The following ASAH2 variants were observed in gnomAD, a reference collection of about 807,000 sequenced individuals.
ASAH2 encodes N-acylsphingosine amidohydrolase 2.
Under a neutral mutation model 82.9 loss-of-function variants are expected in ASAH2, and 58 were observed. That is an observed-to-expected ratio of 0.70 (90% CI 0.57 to 0.87). The LOEUF is 0.87. ASAH2 is among the 40% of genes least tolerant of loss of function. The pLI is 0.00. For missense variants in ASAH2, 779 were observed against 834.0 expected, an observed-to-expected ratio of 0.93 and a Z score of 0.81; for synonymous variants, 276 against 289.7, an observed-to-expected ratio of 0.95 and a Z score of 0.48.
intron 7 of ASAH2, among the ~76,000 whole-genome samples, chr10:50,221,697 TG>T (rs1845752990): frequency 9.9e-6 from 1 of 100,764 alleles, no homozygotes; most frequent in East Asian, 3.5e-4. Context: ...GATAGATGGA[TG>T]GATAGATAGA....
intron 3 of ASAH2, among the ~76,000 whole-genome samples, chr10:50,244,587 C>T (rs1009305024): frequency 2.0e-4 from 30 of 152,200 alleles, no homozygotes; most frequent in African/African-American, 7.2e-4. Context: ...ATTTCCATCA[C>T]ATAGCCAAGA....
intron 7 of ASAH2, among the ~76,000 whole-genome samples, chr10:50,226,673 C>A (rs1845893384): frequency 1.3e-5 from 2 of 151,910 alleles, no homozygotes; most frequent in Admixed American, 1.3e-4. Flanking sequence ...GTACTTCCTG[C>A]TCAATTTTGC....
intron 16 of ASAH2, among the ~76,000 whole-genome samples, chr10:50,201,915 A>G (rs1454911865): frequency 6.6e-6 from 1 of 152,128 alleles, no homozygotes; most frequent in East Asian, 1.9e-4. Context: ...CAATCACTGT[A>G]TGTGATATGA....
In ASAH2 at chr10:50,199,123, C is replaced by A; in HGVS notation, c.1785G>T (p.Ser595=). The part of the protein sequence containing the change: ...EYQAQRYEAA[S]TIYGPHTLSA... ...ATAATGTGTGCGGTCCATAAATTGTCGATGCTGCCTCATATCGCTGAGCCT... is the reference window on the plus strand; with the variant it reads ...ATAATGTGTGCGGTCCATAAATTGTAGATGCTGCCTCATATCGCTGAGCCT... The change falls in exon 17 of 21, where the codon TCG becomes TCT. Residue 595 remains serine, a synonymous_variant. Transcript: ENST00000682911. 3.7e-6 allele frequency: 6 copies of A among 1,613,176 alleles called. No homozygotes were observed. The highest frequency in any genetic ancestry group is 1.3e-5 in the African/African-American group (1 of 74,944).
intron 2 of ASAH2, 62 bp from the exon 3 acceptor site, chr10:50,245,516 T>C: frequency 1.4e-6 from 2 of 1,402,406 alleles, no homozygotes; most frequent in Non-Finnish European, 2.0e-6. Context: ...CAACATCAAT[T>C]AGAACACAAT....
chr10:50,223,456 C>T (rs1054730584), intron 7 of ASAH2, among the ~76,000 whole-genome samples: 11 of 152,224 alleles, frequency 7.2e-5, no homozygotes, highest in East Asian at 5.8e-4. Context: ...AAAGAGGATG[C>T]GTTTGTGTAA....
At chr10:50,250,432 C>T (rs973482408) in intron 1 of ASAH2, among the ~76,000 whole-genome samples, 8 of 152,298 alleles carry the variant, frequency 5.3e-5, no homozygotes, top group African/African-American at 1.9e-4. Flanking sequence ...GCAGCAGGGA[C>T]AACTTCAAAT....
rs117126937 is a variant in ASAH2, at chr10:50,245,755, C to T, written c.128-301G>A. ...TCAACACCCTGCTCTTCTTTTCCAG[C>T]TAAACTAAACAGGTGCCAGGTTTAC... On this transcript the variant is annotated intron_variant, in intron 2 of 20. Transcript: ENST00000682911. 2.8e-4 allele frequency among the ~76,000 whole-genome samples: 43 copies of T among 152,296 alleles called. 1 individual carries two copies. In the East Asian group the frequency reaches 4.4e-3, roughly 16 times the overall value.
intron 7 of ASAH2, among the ~76,000 whole-genome samples, chr10:50,230,643 T>C (rs1349359003): frequency 6.6e-6 from 1 of 152,150 alleles, no homozygotes; most frequent in African/African-American, 2.4e-5. Context: ...ACCTTGACAG[T>C]TGACCGAAAG....
rs1426868861 is a variant in ASAH2, at chr10:50,233,603, T to TAA, written c.816-344_816-343dup. 3.9e-5 allele frequency among the ~76,000 whole-genome samples: 6 copies of TAA among 152,156 alleles called. No individual in the cohort carries two copies. In the South Asian group the frequency reaches 1.2e-3, roughly 31 times the overall value. ...ATATCAATTTTTAATGAAATCTCTT[T>TAA]AAAAGAGCAGGGAATTTGCAAAATC... is the stretch of plus-strand genomic sequence containing the variant. On this transcript the variant is annotated intron_variant, in intron 6 of 20. Coordinates refer to ENST00000682911, the MANE Select transcript of ASAH2 (RefSeq NM_019893.4).
In ASAH2 at chr10:50,227,623, GA is replaced by G. The variant is rs1160572574; in HGVS notation, c.893+5560del. ...GGTAAGCACACACTATTTTTATACT[GA>G]AAAAAAACTTAGAAAAAAAAAATAA... On this transcript the variant is annotated intron_variant, in intron 7 of 20. Transcript: ENST00000682911. Among the ~76,000 whole-genome samples the G allele has an allele frequency of 4.6e-5, 7 of 150,968 alleles. No homozygotes were observed. The South Asian group carries it at 6.3e-4, about 14-fold the overall frequency.
chr10:50,221,660 TATAG>T (rs1220726629), intron 7 of ASAH2, among the ~76,000 whole-genome samples: 5,355 of 150,446 alleles, frequency 0.036, 336 homozygotes, highest in African/African-American at 0.12. Context: ...TGTGTGTGTG[TATAG>T]ATAGATAGAT....
At chr10:50,241,680 A>C (rs1846299900) in intron 4 of ASAH2, among the ~76,000 whole-genome samples, 1 of 152,216 alleles carries the variant, frequency 6.6e-6, no homozygotes, top group Admixed American at 6.5e-5. Flanking sequence ...AAAATGTGGC[A>C]CATATACACC....
chr10:50,233,479 T>C (rs889841867), intron 6 of ASAH2, among the ~76,000 whole-genome samples: 1 of 152,146 alleles, frequency 6.6e-6, no homozygotes, highest in Non-Finnish European at 1.5e-5. Context: ...GTCAAGCGAC[T>C]GGAGCTGAAA....
chr10:50,240,428 G>A (rs1383298348), intron 4 of ASAH2: 2 of 701,450 alleles, frequency 2.9e-6, no homozygotes, highest in Non-Finnish European at 5.2e-6. Context: ...GCTAATTTTT[G>A]TCCTCACTTC....
At position 50,212,995 on chromosome 10, in the gene ASAH2, G is replaced by A. The variant is rs1324389017; in HGVS notation, c.1204C>T (p.Arg402Trp). Residue 402 changes from arginine to tryptophan, a missense_variant, in exon 10 of 21, where the codon CGG (arginine) becomes TGG (tryptophan). Coordinates refer to ENST00000682911, the MANE Select transcript of ASAH2 (RefSeq NM_019893.4). ...ACCTTTGCTCTCTGATACATGGCCC[G>A]TCCTATAATTTGTGTGCTGTCAAAC... The part of the protein sequence containing the change: ...DMFDSTQIIG[R>W]AMYQRAKELY... The A allele has an allele frequency of 2.5e-5, 41 of 1,613,500 alleles. No homozygotes were observed. The highest frequency in any genetic ancestry group is 6.7e-5 in the East Asian group (3 of 44,882).
intron 4 of ASAH2, 132 bp from the exon 5 acceptor site, chr10:50,236,196 A>G: frequency 1.2e-6 from 1 of 828,896 alleles, no homozygotes; most frequent in Non-Finnish European, 2.0e-6. Flanking sequence ...TGCTGCTAAT[A>G]AAGACATACC....
At chr10:50,211,300 T>C (rs1317838500) in intron 10 of ASAH2, among the ~76,000 whole-genome samples, 166 bp from the exon 11 acceptor site, 1 of 152,188 alleles carries the variant, frequency 6.6e-6, no homozygotes, top group African/African-American at 2.4e-5. Flanking sequence ...GGTCTCTCTC[T>C]ACCAAACCCA....
intron 7 of ASAH2, among the ~76,000 whole-genome samples, chr10:50,223,609 A>G (rs1411699824): frequency 6.6e-6 from 1 of 152,218 alleles, no homozygotes; most frequent in Non-Finnish European, 1.5e-5. Flanking sequence ...AATAAAATAT[A>G]GGAGGCTGTA....
Sources: allele counts gnomAD v4.1 joint callset (sites outside exome capture counted in the v4.1 genomes callset), GRCh38; gene constraint gnomAD v4.1.1; transcripts MANE v1.5; gene names NCBI Gene and HGNC (gene_info 2026-07-23, HGNC 2026-07-21).